The following ANO5 variants were observed in gnomAD, a reference collection of about 807,000 sequenced individuals.
ANO5 encodes anoctamin 5.
A neutral mutation model predicts 121.0 loss-of-function variants in ANO5; 109 were observed. That is an observed-to-expected ratio of 0.90 (90% CI 0.77 to 1.06). The LOEUF (loss-of-function observed/expected upper bound fraction) is 1.06, where lower values mean the gene tolerates loss of function less well. ANO5 is among the 50% of genes least tolerant of loss of function. The probability of loss-of-function intolerance (pLI) is 0.00; values close to 1 mark genes in which losing one functional copy is unlikely to be tolerated. For synonymous variants in ANO5, 406 were observed against 359.9 expected (o/e 1.13, Z -1.45); for missense variants, 1,064 against 1,078.5 (o/e 0.99, Z 0.19).
rs1287059359 is a variant in ANO5, at chr11:22,272,848, C to CATAA, written c.2099_2102dup (p.Asn701LysfsTer2). ...TTCCTTTGGCTCCTCTTCTTGCTCT[C>CATAA]ATAAATAATATTGTAGAGATTCGAG... On this transcript the variant is annotated frameshift_variant, in exon 19 of 22. Transcript: ENST00000324559. LOFTEE classifies it high-confidence loss of function. The CATAA allele has an allele frequency of 1.2e-6, 2 of 1,614,000 alleles. No individual in the cohort carries two copies. Among genetic ancestry groups the CATAA allele is most frequent in the Non-Finnish European group, 1.7e-6 (2 of 1,180,020 alleles).
At chr11:22,216,293 T>G (rs952423457) in intron 3 of ANO5, among the ~76,000 whole-genome samples, 4 of 151,952 alleles carry the variant, frequency 2.6e-5, no homozygotes, top group African/African-American at 9.7e-5. Flanking sequence ...GTACCATTTT[T>G]TATTCCTGCC....
chr11:22,216,476 T>A (rs190471510), intron 3 of ANO5, among the ~76,000 whole-genome samples: 50 of 152,022 alleles, frequency 3.3e-4, no homozygotes, highest in Admixed American at 1.0e-3. Context: ...CATGGGCATA[T>A]TGGACTTTCA....
At chr11:22,222,287 T>A (rs901771555) in intron 5 of ANO5, among the ~76,000 whole-genome samples, 4 of 152,002 alleles carry the variant, frequency 2.6e-5, no homozygotes, top group Non-Finnish European at 4.4e-5. Flanking sequence ...TTTTACCTCC[T>A]GGATCACTGT....
At chr11:22,216,740 T>C (rs535525187) in intron 3 of ANO5, among the ~76,000 whole-genome samples, 1 of 152,040 alleles carries the variant, frequency 6.6e-6, no homozygotes, top group Admixed American at 6.6e-5. Flanking sequence ...CTTTTTATGT[T>C]CTATTTAAGA....
intron 17 of ANO5, 59 bp from the exon 18 acceptor site, chr11:22,270,245 ACTCTGATT>A: frequency 6.3e-7 from 1 of 1,580,782 alleles, no homozygotes; most frequent in Non-Finnish European, 8.7e-7. Context: ...CAGATCTAAC[ACTCTGATT>A]CTCTGATCGC....
In ANO5 at chr11:22,274,588, C is replaced by T. The variant is rs373471188; in HGVS notation, c.2255C>T (p.Thr752Met). The change falls in exon 20 of 22, where the codon ACG becomes ATG. Residue 752 changes from threonine (T) to methionine (M), a missense_variant. Thr to Met is a moderately conservative substitution (Grantham distance 81). Coordinates refer to ENST00000324559, the MANE Select transcript of ANO5 (RefSeq NM_213599.3). ...VATNAFIVAF[T>M]SDIIPRLVYY... ...CTTCAGGCCTTTATTGTTGCATTTA[C>T]GTCAGACATCATTCCCCGTCTAGTT... The T allele has an allele frequency of 1.7e-5, 27 of 1,603,204 alleles. No homozygotes were observed. The highest frequency in any genetic ancestry group is 2.7e-5 in the African/African-American group (2 of 74,560).
chr11:22,212,449 T>C (rs933460427), intron 3 of ANO5, among the ~76,000 whole-genome samples: 1 of 151,972 alleles, frequency 6.6e-6, no homozygotes, highest in Non-Finnish European at 1.5e-5. Context: ...AATATTTTGG[T>C]CATTTTATTT....
intron 2 of ANO5, among the ~76,000 whole-genome samples, chr11:22,205,431 A>G (rs781676047): frequency 1.4e-4 from 21 of 152,106 alleles, no homozygotes; most frequent in Non-Finnish European, 3.1e-4. Flanking sequence ...TGAAGATCAT[A>G]TAGGACAGTG....
chr11:22,196,958 C>A (rs1851831932), intron 1 of ANO5, among the ~76,000 whole-genome samples: 1 of 152,074 alleles, frequency 6.6e-6, no homozygotes. Flanking sequence ...AATTCAAGTT[C>A]CAGAGCATCA....
intron 4 of ANO5, among the ~76,000 whole-genome samples, chr11:22,218,991 G>A (rs559474070): frequency 1.3e-5 from 2 of 152,126 alleles, no homozygotes; most frequent in Admixed American, 6.6e-5. Context: ...GCACACACAT[G>A]CTACAAAATA....
chr11:22,205,537 C>A (rs1852091549), intron 2 of ANO5, among the ~76,000 whole-genome samples: 1 of 148,002 alleles, frequency 6.8e-6, no homozygotes, highest in Non-Finnish European at 1.5e-5. Flanking sequence ...CAGGCTGTCT[C>A]AAAATAAAAT....
At chr11:22,195,604 AT>A (rs996745578) in intron 1 of ANO5, among the ~76,000 whole-genome samples, 1 of 151,362 alleles carries the variant, frequency 6.6e-6, no homozygotes, top group Non-Finnish European at 1.5e-5. Flanking sequence ...GCTAATTATT[AT>A]TTTTTTTATG....
At position 22,193,285 on chromosome 11, in the gene ANO5, C is replaced by T. The variant is rs902099574; in HGVS notation, c.-208C>T. The T allele has an allele frequency of 3.9e-5, 42 of 1,070,220 alleles. 1 individual carries two copies. The Admixed American group carries it at 1.8e-3, about 46-fold the overall frequency. 66.3% of individuals were successfully genotyped at this position (1,070,220 alleles called of 1,614,324 possible). On this transcript the variant is annotated 5_prime_UTR_variant, in exon 1 of 22. Transcript: ENST00000324559. ...GGAAGTACCCGCCGGAGAGGAAGGC[C>T]GGCTGGCTGTGGCGCCCAGAGACGG...
At chr11:22,276,827 G>A (rs1240582223) in intron 21 of ANO5, among the ~76,000 whole-genome samples, 1 of 151,446 alleles carries the variant, frequency 6.6e-6, no homozygotes, top group Non-Finnish European at 1.5e-5. Context: ...CTATCAGGGA[G>A]AGAAAATAAA....
At chr11:22,268,978 T>A (rs1854469503) in intron 17 of ANO5, among the ~76,000 whole-genome samples, 1 of 151,442 alleles carries the variant, frequency 6.6e-6, no homozygotes, top group African/African-American at 2.4e-5. Context: ...CACTCCAGCC[T>A]GAGTGGCAGA....
At position 22,226,070 on chromosome 11, in the gene ANO5, T is replaced by C. The variant is rs776244183; in HGVS notation, c.363+18T>C. ...ACAAAAGGGTAAATGTAGTTGATAA[T>C]TTATACAAGCCTCTTTAATTTAAGT... On this transcript the variant is annotated intron_variant, in intron 6 of 21. Coordinates refer to ENST00000324559, the MANE Select transcript of ANO5 (RefSeq NM_213599.3). 1.3e-6 allele frequency: 2 copies of C among 1,571,568 alleles called. No individual in the cohort carries two copies. Among genetic ancestry groups the C allele is most frequent in the East Asian group, 2.2e-5 (1 of 44,456 alleles).
intron 21 of ANO5, among the ~76,000 whole-genome samples, chr11:22,277,159 A>C (rs1854883899): frequency 6.6e-6 from 1 of 151,458 alleles, no homozygotes; most frequent in Non-Finnish European, 1.5e-5. Context: ...AATTACTGAC[A>C]TTCTACTTTG....
chr11:22,272,700 G>A, intron 18 of ANO5, 84 bp from the exon 19 acceptor site: 2 of 1,298,650 alleles, frequency 1.5e-6, no homozygotes. Flanking sequence ...ACTCCAAAAC[G>A]AAGGAAGTAG....
chr11:22,236,362 A>G (rs1853221022), intron 8 of ANO5, 86 bp downstream of exon 8: 3 of 1,118,422 alleles, frequency 2.7e-6, no homozygotes, highest in South Asian at 2.6e-5. Flanking sequence ...CCTTTACTTC[A>G]GTTGCTTAGT....
Sources: gnomAD v4.1 joint callset for allele counts (sites outside exome capture counted in the v4.1 genomes callset) on GRCh38, gnomAD v4.1.1 for gene constraint, MANE v1.5 for transcripts, NCBI Gene and HGNC (gene_info 2026-07-23, HGNC 2026-07-21) for gene names.